Variants in PCYT1B observed in about 807,000 individuals in gnomAD.
The protein encoded by PCYT1B is phosphate cytidylyltransferase 1B, choline.
A neutral mutation model predicts 26.4 loss-of-function variants in PCYT1B; 10 were observed. The observed-to-expected ratio is 0.38, with a 90% CI of 0.23 to 0.64. PCYT1B has a LOEUF of 0.64. Ranked by LOEUF, PCYT1B falls within the 30% of genes least tolerant of loss-of-function variation. The pLI is 0.56. For missense variants in PCYT1B, 161 were observed against 292.7 expected (o/e 0.55, Z 3.28); for synonymous variants, 131 against 108.4 (o/e 1.21, Z -1.29).
chrX:24,627,479 G>A (rs1345956811), intron 1 of PCYT1B, among the ~76,000 whole-genome samples: 12 of 111,499 alleles, frequency 1.1e-4, no homozygotes, highest in African/African-American at 2.9e-4. Context: ...GACTACAGGC[G>A]TGTGCCACCA....
At position 24,600,225 on chromosome X, in the gene PCYT1B, T is replaced by C. The variant is rs150220238; in HGVS notation, c.334+7520A>G. On this transcript the variant is annotated intron_variant, in intron 3 of 7. Coordinates refer to ENST00000379144, the MANE Select transcript of PCYT1B (RefSeq NM_004845.5). ...CCTGGCCCATAATTTTGTTTTAAAA[T>C]GTCAATATTGGATTTCTGGTTTCCA... Among the ~76,000 whole-genome samples the C allele has an allele frequency of 7.8e-3, 871 of 111,248 alleles. 12 individuals are homozygous for C. Among genetic ancestry groups the C allele is most frequent in the African/African-American group, 0.028 (844 of 30,622 alleles).
At chrX:24,639,975 A>C in intron 1 of PCYT1B, among the ~76,000 whole-genome samples, 1 of 111,750 alleles carries the variant, frequency 8.9e-6, no homozygotes, top group Non-Finnish European at 1.9e-5. Flanking sequence ...GAATGAGCCA[A>C]CCAAAAGATC....
rs1367333614 is a variant in PCYT1B, at chrX:24,560,156, G to A, written c.*2137C>T. 8.9e-6 allele frequency: 1 copy of A among 111,961 alleles called. No homozygotes were observed. The highest frequency in any genetic ancestry group is 1.9e-5 in the Non-Finnish European group (1 of 53,165). 9.2% of individuals were successfully genotyped at this position (111,961 alleles called of 1,213,427 possible). Reference sequence around the variant, plus strand: ...CTATCTGCCCTGGGCCATGGAGCAGGGGCACAAAGGCCTTCCCAAGAGAGT... The same window carrying A: ...CTATCTGCCCTGGGCCATGGAGCAGAGGCACAAAGGCCTTCCCAAGAGAGT... On this transcript the variant is annotated 3_prime_UTR_variant, in exon 8 of 8. Transcript: ENST00000379144.
chrX:24,640,515 AAGG>A (rs1292651622), intron 1 of PCYT1B, among the ~76,000 whole-genome samples: 1 of 111,724 alleles, frequency 9.0e-6, no homozygotes, highest in East Asian at 2.8e-4. Flanking sequence ...AGATGAATAG[AAGG>A]AGGAGTCTAA....
At chrX:24,591,792 A>T (rs1276597296) in intron 3 of PCYT1B, among the ~76,000 whole-genome samples, 1 of 112,080 alleles carries the variant, frequency 8.9e-6, no homozygotes, top group Non-Finnish European at 1.9e-5. Flanking sequence ...CATAATAATT[A>T]ACATATTTAT....
At chrX:24,654,092 CTTTCTTTCTTTTTTTTTTT>C (rs1926842728) in intron 1 of PCYT1B, among the ~76,000 whole-genome samples, 1 of 73,371 alleles carries the variant, frequency 1.4e-5, no homozygotes, top group African/African-American at 5.0e-5. Flanking sequence ...TCTTTTCTTT[CTTTCTTTCTTTTTTTTTTT>C]TTTTTTTTTG....
intron 2 of PCYT1B, among the ~76,000 whole-genome samples, chrX:24,617,579 C>T (rs1341690308): frequency 9.3e-6 from 1 of 107,379 alleles, no homozygotes; most frequent in Non-Finnish European, 1.9e-5. Flanking sequence ...TCCCGAGTAG[C>T]TGGGATTACA....
At chrX:24,651,472 A>AAAAT (rs1555965467), upstream of PCYT1B, among the ~76,000 whole-genome samples, 144 of 25,991 alleles carry the variant, frequency 5.5e-3, no homozygotes, top group South Asian at 8.3e-3. Flanking sequence ...AAAAAAAAAA[A>AAAAT]ATATATATAT....
chrX:24,587,463 G>C, intron 4 of PCYT1B, 144 bp from the exon 5 acceptor site: 1 of 442,213 alleles, frequency 2.3e-6, no homozygotes, highest in Non-Finnish European at 4.0e-6. Context: ...TGAATCCTTG[G>C]CTGAAATGTA....
intron 1 of PCYT1B, among the ~76,000 whole-genome samples, chrX:24,666,529 G>C (rs1320575192): frequency 9.1e-6 from 1 of 109,920 alleles, no homozygotes; most frequent in Non-Finnish European, 1.9e-5. Context: ...ATTTGAAATA[G>C]GTATTATTTT....
intron 1 of PCYT1B, among the ~76,000 whole-genome samples, chrX:24,658,506 C>CTTTTTTT (rs1203809740): frequency 5.9e-4 from 35 of 58,827 alleles, no homozygotes; most frequent in Middle Eastern, 9.2e-3. Context: ...TGTTTCATTG[C>CTTTTTTT]TTTTTTTTTT....
intron 3 of PCYT1B, among the ~76,000 whole-genome samples, chrX:24,606,727 C>T (rs1218985123): frequency 1.5e-4 from 17 of 111,336 alleles, no homozygotes; most frequent in African/African-American, 5.6e-4. Flanking sequence ...ATTAGCTGGG[C>T]GTGGTGGTAC....
intron 1 of PCYT1B, among the ~76,000 whole-genome samples, chrX:24,661,388 C>T (rs1173480003): frequency 8.9e-6 from 1 of 111,895 alleles, no homozygotes; most frequent in African/African-American, 3.2e-5. Context: ...TGAATTATGT[C>T]CACTTTATAA....
intron 1 of PCYT1B, among the ~76,000 whole-genome samples, chrX:24,623,964 A>G (rs1296828201): frequency 9.6e-6 from 1 of 103,724 alleles, no homozygotes; most frequent in Non-Finnish European, 2.0e-5. Flanking sequence ...AAGCTAAGCT[A>G]TACTTTTTTT....
chrX:24,559,437 A>G lies in PCYT1B; in HGVS notation c.*2856T>C, dbSNP rs762122606. The G allele has an allele frequency of 6.5e-5, 2 of 30,946 alleles. No homozygotes were observed. Among genetic ancestry groups the G allele is most frequent in the Non-Finnish European group, 9.4e-5 (1 of 10,614 alleles). 2.6% of individuals were successfully genotyped at this position (30,946 alleles called of 1,213,427 possible). A position where few individuals can be genotyped will look rare whatever the true frequency, so the allele number is the denominator to read the frequency against. On this transcript the variant is annotated 3_prime_UTR_variant, in exon 8 of 8. Coordinates refer to ENST00000379144, the MANE Select transcript of PCYT1B (RefSeq NM_004845.5). ...AAGAAAAAGAGAAAGAAGAAAGAAA[A>G]AGAAAGAGAGAGAGAGAGAAAGAAA...
intron 7 of PCYT1B, among the ~76,000 whole-genome samples, chrX:24,567,380 T>G (rs761538128): frequency 5.3e-5 from 6 of 112,351 alleles, no homozygotes; most frequent in African/African-American, 1.6e-4. Flanking sequence ...CTGGTGCATT[T>G]TGAAGGGTGG....
At chrX:24,577,143 G>A (rs767217721) in intron 6 of PCYT1B, among the ~76,000 whole-genome samples, 15 of 110,960 alleles carry the variant, frequency 1.4e-4, no homozygotes, top group Non-Finnish European at 2.5e-4. Flanking sequence ...TGGGCTCAGC[G>A]TTCCTCATCT....
At chrX:24,617,590 G>T (rs1226412542) in intron 2 of PCYT1B, among the ~76,000 whole-genome samples, 3 of 107,847 alleles carry the variant, frequency 2.8e-5, no homozygotes, top group Non-Finnish European at 5.8e-5. Context: ...TGGGATTACA[G>T]GTGCCTGCCA....
At chrX:24,670,830 A>C (rs976660829) in intron 1 of PCYT1B, among the ~76,000 whole-genome samples, 4 of 111,606 alleles carry the variant, frequency 3.6e-5, no homozygotes, top group African/African-American at 1.3e-4. Context: ...GGAGACCATG[A>C]AATTAGAGGC....
Sources: gnomAD v4.1 joint callset for allele counts (sites outside exome capture counted in the v4.1 genomes callset) on GRCh38, gnomAD v4.1.1 for gene constraint, MANE v1.5 for transcripts, NCBI Gene and HGNC (gene_info 2026-07-23, HGNC 2026-07-21) for gene names.